The following CUBN variants were observed in gnomAD, a reference collection of about 807,000 sequenced individuals.
CUBN encodes the protein 460 kDa receptor.
In CUBN, 282 loss-of-function variants were observed where a neutral mutation model predicts 405.3. That is an observed-to-expected ratio of 0.70 (90% CI 0.63 to 0.77). The LOEUF (loss-of-function observed/expected upper bound fraction) is 0.77. Among genes scored for constraint, CUBN ranks in the 30% least tolerant of loss-of-function variants. CUBN has a pLI of 0.00. For synonymous variants in CUBN, 1,684 were observed against 1,617.0 expected, an observed-to-expected ratio of 1.04 and a Z score of -0.99; for missense variants, 4,514 against 4,475.2, an observed-to-expected ratio of 1.01 and a Z score of -0.25.
At chr10:17,103,260 T>C in intron 12 of CUBN, 23 bp from the exon 13 acceptor site, 1 of 1,448,294 alleles carries the variant, frequency 6.9e-7, no homozygotes. Flanking sequence ...AGATGAACTG[T>C]GCTTTTCAGA....
At chr10:16,854,188 T>C (rs1382389475) in intron 59 of CUBN, among the ~76,000 whole-genome samples, 1 of 152,170 alleles carries the variant, frequency 6.6e-6, no homozygotes, top group Non-Finnish European at 1.5e-5. Context: ...CATTGGCAAT[T>C]CCAGCCTGAA....
chr10:16,862,435 C>T (rs1426195933), intron 59 of CUBN, among the ~76,000 whole-genome samples: 1 of 152,122 alleles, frequency 6.6e-6, no homozygotes, highest in Admixed American at 6.5e-5. Context: ...CATCAAGCAG[C>T]TCATGCTACA....
chr10:16,923,350 A>G (rs1468091547), intron 43 of CUBN, among the ~76,000 whole-genome samples: 2 of 152,172 alleles, frequency 1.3e-5, no homozygotes, highest in South Asian at 2.1e-4. Context: ...TCTCTGGAGA[A>G]AAATGGTATA....
chr10:16,978,991 A>G (rs1348117203), intron 31 of CUBN, among the ~76,000 whole-genome samples: 1 of 152,224 alleles, frequency 6.6e-6, no homozygotes, highest in Non-Finnish European at 1.5e-5. Flanking sequence ...AACTTCAGCA[A>G]AGTCTCAGGA....
At position 16,876,905 on chromosome 10, in the gene CUBN, C is replaced by G. The variant is rs894050542; in HGVS notation, c.9098G>C (p.Arg3033Thr). 1 of 1,613,790 alleles carries G rather than the reference C, an allele frequency of 6.2e-7. No homozygotes were observed. The highest frequency in any genetic ancestry group is 8.5e-7 in the Non-Finnish European group (1 of 1,179,792). ...TCATTATGGCTACTCACAGATTATC[C>G]TATAGGAAAACTTGAATCCGAAGTC... ...ITDFGFKFSY[R>T]IISCGGVFNF... The change falls in exon 57 of 67, where the codon AGG becomes ACG. Residue 3033 changes from arginine to threonine, a missense_variant. Physicochemically the swap from Arg to Thr is moderately conservative, Grantham distance 71. Coordinates refer to ENST00000377833, the MANE Select transcript of CUBN (RefSeq NM_001081.4).
chr10:16,911,271 G>A (rs1841723513), intron 48 of CUBN, among the ~76,000 whole-genome samples: 1 of 152,210 alleles, frequency 6.6e-6, no homozygotes, highest in African/African-American at 2.4e-5. Context: ...ACTTGGCTCA[G>A]TTGTGAATGG....
intron 28 of CUBN, among the ~76,000 whole-genome samples, chr10:17,001,081 C>T (rs2131738903): frequency 6.6e-6 from 1 of 152,194 alleles, no homozygotes; most frequent in South Asian, 2.1e-4. Flanking sequence ...CAGACCTTCA[C>T]AGTGAGTGTT....
At chr10:16,846,983 G>C (rs1839533335) in intron 60 of CUBN, among the ~76,000 whole-genome samples, 1 of 152,112 alleles carries the variant, frequency 6.6e-6, no homozygotes, top group Non-Finnish European at 1.5e-5. Context: ...ACAAAAGGGA[G>C]TGAGTTTCTG....
intron 48 of CUBN, among the ~76,000 whole-genome samples, chr10:16,913,050 T>C (rs901994662): frequency 8.5e-5 from 13 of 152,130 alleles, no homozygotes; most frequent in Non-Finnish European, 5.9e-5. Flanking sequence ...TTTTTAAAGA[T>C]ACACCCAATG....
At chr10:17,027,712 A>G (rs1834703119) in intron 27 of CUBN, among the ~76,000 whole-genome samples, 1 of 152,224 alleles carries the variant, frequency 6.6e-6, no homozygotes, top group African/African-American at 2.4e-5. Context: ...AAAATATTAA[A>G]TTGTCTATCT....
chr10:17,068,041 CA>C (rs1835651519), intron 21 of CUBN, 22 bp downstream of exon 21: 5 of 1,562,324 alleles, frequency 3.2e-6, no homozygotes, highest in Non-Finnish European at 4.4e-6. Flanking sequence ...TATTGTTAAA[CA>C]AACAAACAAA....
chr10:16,891,975 A>G (rs542437766), intron 54 of CUBN, among the ~76,000 whole-genome samples: 6 of 152,168 alleles, frequency 3.9e-5, no homozygotes, highest in South Asian at 2.1e-4. Flanking sequence ...TTACTTGACT[A>G]TTCAACATTT....
chr10:16,990,550 G>A (rs773927088), intron 28 of CUBN, 35 bp from the exon 29 acceptor site: 31 of 1,598,050 alleles, frequency 1.9e-5, no homozygotes, highest in African/African-American at 5.4e-5. Context: ...AGTTCAAAGT[G>A]GGCAACAGCA....
intron 34 of CUBN, 23 bp downstream of exon 34, chr10:16,949,978 T>C: frequency 6.5e-6 from 10 of 1,540,404 alleles, no homozygotes; most frequent in East Asian, 2.2e-5. Flanking sequence ...ACCACAGATG[T>C]AGATGAGTGA....
At chr10:17,050,353 G>A (rs1835236390) in intron 22 of CUBN, among the ~76,000 whole-genome samples, 1 of 152,204 alleles carries the variant, frequency 6.6e-6, no homozygotes, top group Non-Finnish European at 1.5e-5. Flanking sequence ...GATTTCCTTG[G>A]CTTTCTACCT....
chr10:16,869,679 A>G lies in CUBN; in HGVS notation c.9411T>C (p.Phe3137=). The G allele has an allele frequency of 1.9e-6, 3 of 1,614,062 alleles. No homozygotes were observed. Among genetic ancestry groups the G allele is most frequent in the Non-Finnish European group, 2.5e-6 (3 of 1,179,978 alleles). The part of the protein sequence containing the change: ...SMLLVFKTDS[F]QTAKGWKMSF... Reference sequence around the variant, plus strand: ...ACATCTTCCAGCCTTTTGCTGTCTGAAATGAATCTGTCTTGAACACCAGGA... The same window carrying G: ...ACATCTTCCAGCCTTTTGCTGTCTGGAATGAATCTGTCTTGAACACCAGGA... The change falls in exon 59 of 67, where the codon TTT becomes TTC. Residue 3137 remains phenylalanine (F), a synonymous_variant. Coordinates refer to ENST00000377833, the MANE Select transcript of CUBN (RefSeq NM_001081.4).
Position 17,045,921 on chromosome 10 carries a change from C to G in CUBN, c.3490+13G>C. Reference sequence around the variant, plus strand: ...TTGGCTTCTCCAGTAAAAGACAGCTCTTTGCTATTTACCTGTTGATGACCC... The same window carrying G: ...TTGGCTTCTCCAGTAAAAGACAGCTGTTTGCTATTTACCTGTTGATGACCC... On this transcript the variant is annotated intron_variant, in intron 24 of 66. Coordinates refer to ENST00000377833, the MANE Select transcript of CUBN (RefSeq NM_001081.4). The G allele has an allele frequency of 6.2e-7, 1 of 1,613,562 alleles. No homozygotes were observed. The highest frequency in any genetic ancestry group is 1.7e-4 in the Middle Eastern group (1 of 6,058).
intron 6 of CUBN, chr10:17,122,500 C>G (rs1337588340): frequency 2.2e-6 from 1 of 455,304 alleles, no homozygotes; most frequent in Admixed American, 3.1e-5. Flanking sequence ...AAGTCTTCAG[C>G]TCCTTTTGCA....
chr10:17,045,784 G>A lies in CUBN; in HGVS notation c.3490+150C>T, dbSNP rs887386909. 141 of 761,940 alleles carry A rather than the reference G, an allele frequency of 1.9e-4. 1 individual carries two copies. Among genetic ancestry groups the A allele is most frequent in the African/African-American group, 1.8e-3 (101 of 57,674 alleles). 47.2% of individuals were successfully genotyped at this position (761,940 alleles called of 1,614,324 possible). On this transcript the variant is annotated intron_variant, in intron 24 of 66. Coordinates refer to ENST00000377833, the MANE Select transcript of CUBN (RefSeq NM_001081.4). ...CTCCCTTTGTCTGTTAAAAAGAAAT[G>A]GCTGCTGTTAATTTAAAATTATTTG...
Sources: gnomAD v4.1 joint callset for allele counts (sites outside exome capture counted in the v4.1 genomes callset) on GRCh38, gnomAD v4.1.1 for gene constraint, MANE v1.5 for transcripts, NCBI Gene and HGNC (gene_info 2026-07-23, HGNC 2026-07-21) for gene names.